Variants in PARD3B observed in about 807,000 individuals in gnomAD.
The protein encoded by PARD3B is partitioning defective 3 homolog B.
A neutral mutation model predicts 130.2 loss-of-function variants in PARD3B; 103 were observed. That is an observed-to-expected ratio of 0.79 (90% CI 0.67 to 0.93). PARD3B has a LOEUF of 0.93. Among genes scored for constraint, PARD3B ranks in the 40% least tolerant of loss-of-function variants. The probability of loss-of-function intolerance (pLI) is 0.00; values close to 1 mark genes in which losing one functional copy is unlikely to be tolerated. For synonymous variants in PARD3B, 583 were observed against 553.2 expected (o/e 1.05, Z -0.76); for missense variants, 1,609 against 1,499.2 (o/e 1.07, Z -1.21).
chr2:205,222,395 T>C (rs1921797), intron 15 of PARD3B, among the ~76,000 whole-genome samples: 85,231 of 152,004 alleles, frequency 0.56, 24,121 homozygotes, highest in Admixed American at 0.66. Context: ...TCATAACCCT[T>C]CTTAGCCTAA....
intron 15 of PARD3B, among the ~76,000 whole-genome samples, chr2:205,234,446 T>TA (rs961497332): frequency 8.0e-5 from 12 of 150,878 alleles, no homozygotes; most frequent in Middle Eastern, 6.8e-3. Flanking sequence ...TTACCAGAAA[T>TA]AGAGTCCTTT....
chr2:204,774,060 T>C (rs1174433801), intron 2 of PARD3B, among the ~76,000 whole-genome samples: 2 of 152,020 alleles, frequency 1.3e-5, no homozygotes, highest in East Asian at 1.9e-4. Context: ...TTTGTCCCTG[T>C]CTTCCTCTGC....
chr2:205,597,036 TC>T (rs1428433177), intron 22 of PARD3B, among the ~76,000 whole-genome samples: 8 of 151,568 alleles, frequency 5.3e-5, no homozygotes, highest in Non-Finnish European at 1.0e-4. Flanking sequence ...TGTGCTCATT[TC>T]TTTTTTTTTT....
chr2:204,745,466 G>A (rs1241278561), intron 2 of PARD3B, among the ~76,000 whole-genome samples: 3 of 150,766 alleles, frequency 2.0e-5, no homozygotes, highest in South Asian at 2.1e-4. Flanking sequence ...GCAACTGTGC[G>A]ATCTCGGCTC....
chr2:205,132,731 C>G (rs1256506668), intron 10 of PARD3B, among the ~76,000 whole-genome samples: 1 of 152,160 alleles, frequency 6.6e-6, no homozygotes, highest in African/African-American at 2.4e-5. Context: ...CCCTGCTTTG[C>G]AATTTCATTT....
At chr2:204,655,656 T>C (rs746926664) in intron 1 of PARD3B, among the ~76,000 whole-genome samples, 1 of 152,178 alleles carries the variant, frequency 6.6e-6, no homozygotes, top group African/African-American at 2.4e-5. Flanking sequence ...TGTCCTATGA[T>C]GTGATAAGCG....
At chr2:204,556,982 C>T (rs989683737) in intron 1 of PARD3B, among the ~76,000 whole-genome samples, 4 of 151,374 alleles carry the variant, frequency 2.6e-5, no homozygotes, top group South Asian at 4.2e-4. Flanking sequence ...CCTTTTAAAA[C>T]TCTCTACTCA....
intron 20 of PARD3B, among the ~76,000 whole-genome samples, chr2:205,444,484 G>A (rs2106173281): frequency 6.6e-6 from 1 of 152,284 alleles, no homozygotes; most frequent in South Asian, 2.1e-4. Context: ...CTGAAGTTAT[G>A]CCTGAATAAG....
chr2:204,652,254 T>A lies in PARD3B; in HGVS notation c.121-33927T>A, dbSNP rs1574622763. Among the ~76,000 whole-genome samples, 3 of 152,272 alleles carry A rather than the reference T, an allele frequency of 2.0e-5. No individual in the cohort carries two copies. In the South Asian group the frequency reaches 6.2e-4, roughly 32 times the overall value. Reference sequence around the variant, plus strand: ...TCTTGCTCTGCTTCCTTTTTAAACATAAGTTACAGTTTCAGGCCATCTCTT... The same window carrying A: ...TCTTGCTCTGCTTCCTTTTTAAACAAAAGTTACAGTTTCAGGCCATCTCTT... On this transcript the variant is annotated intron_variant, in intron 1 of 22. Transcript: ENST00000406610.
chr2:205,539,888 A>G (rs1354094038), intron 21 of PARD3B, among the ~76,000 whole-genome samples: 1 of 152,178 alleles, frequency 6.6e-6, no homozygotes, highest in Admixed American at 6.5e-5. Context: ...CCTCTTAGCC[A>G]AAGAAGTATG....
chr2:204,986,101 CAAAAAAAAA>C (rs371839271), intron 3 of PARD3B, among the ~76,000 whole-genome samples: 3 of 51,240 alleles, frequency 5.9e-5, no homozygotes, highest in African/African-American at 2.5e-4. Context: ...ACTCTGTCTC[CAAAAAAAAA>C]AAAAAAAAAA....
intron 3 of PARD3B, among the ~76,000 whole-genome samples, chr2:205,028,525 A>G (rs1697193362): frequency 6.6e-6 from 1 of 152,162 alleles, no homozygotes; most frequent in Admixed American, 6.6e-5. Flanking sequence ...TTTAAGGTTA[A>G]CAGGAGCAGA....
chr2:204,951,903 C>T (rs1050180789), intron 2 of PARD3B, among the ~76,000 whole-genome samples: 18 of 152,190 alleles, frequency 1.2e-4, no homozygotes, highest in Admixed American at 1.2e-3. Flanking sequence ...GTCACTGTCA[C>T]TGGTCAGATC....
chr2:204,571,337 C>T (rs2031995540), intron 1 of PARD3B, among the ~76,000 whole-genome samples: 1 of 152,216 alleles, frequency 6.6e-6, no homozygotes, highest in Admixed American at 6.5e-5. Flanking sequence ...CATCCCCAGC[C>T]ATAAGAGTGT....
chr2:204,954,901 C>T (rs1690105384), intron 2 of PARD3B, among the ~76,000 whole-genome samples: 1 of 152,126 alleles, frequency 6.6e-6, no homozygotes, highest in Non-Finnish European at 1.5e-5. Context: ...AAGGTGGTGG[C>T]TTTGTCACCA....
intron 3 of PARD3B, among the ~76,000 whole-genome samples, chr2:205,030,197 C>A (rs1281101181): frequency 6.6e-6 from 1 of 152,088 alleles, no homozygotes; most frequent in Non-Finnish European, 1.5e-5. Flanking sequence ...CAGAGATAGT[C>A]CCCTGAGGTG....
At chr2:205,114,144 A>C (rs1452359406) in intron 6 of PARD3B, among the ~76,000 whole-genome samples, 1 of 152,130 alleles carries the variant, frequency 6.6e-6, no homozygotes, top group Admixed American at 6.6e-5. Flanking sequence ...TGGAATTTTT[A>C]ATACATTATG....
At chr2:204,608,359 G>A (rs923936149) in intron 1 of PARD3B, among the ~76,000 whole-genome samples, 3 of 152,054 alleles carry the variant, frequency 2.0e-5, no homozygotes, top group South Asian at 2.1e-4. Context: ...CTTTTTTCCC[G>A]GGAAAGAAAT....
At chr2:205,315,947 T>C (rs903327278) in intron 18 of PARD3B, among the ~76,000 whole-genome samples, 1 of 152,188 alleles carries the variant, frequency 6.6e-6, no homozygotes, top group African/African-American at 2.4e-5. Context: ...GTTTTTAGTT[T>C]TGAGTTTACA....
Sources: allele counts gnomAD v4.1 joint callset (sites outside exome capture counted in the v4.1 genomes callset), GRCh38; gene constraint gnomAD v4.1.1; transcripts MANE v1.5; gene names NCBI Gene and HGNC (gene_info 2026-07-23, HGNC 2026-07-21).